The following SERPINB10 variants were observed in gnomAD, a reference collection of about 807,000 sequenced individuals.
SERPINB10 encodes the protein serpin family B member 10, also known as serpin B10.
A neutral mutation model predicts 39.1 loss-of-function variants in SERPINB10; 35 were observed. The observed-to-expected ratio is 0.90, with a 90% CI of 0.68 to 1.19. SERPINB10 has a LOEUF of 1.19. Among genes scored for constraint, SERPINB10 ranks in the 50% most tolerant of loss-of-function variants. SERPINB10 has a pLI of 0.00. For missense variants in SERPINB10, 546 were observed against 460.5 expected (o/e 1.19, Z -1.70); for synonymous variants, 190 against 158.1 (o/e 1.20, Z -1.52).
chr18:63,926,942 G>C (rs1323566389), intron 5 of SERPINB10, among the ~76,000 whole-genome samples: 1 of 151,962 alleles, frequency 6.6e-6, no homozygotes, highest in African/African-American at 2.4e-5. Context: ...ATTGTTTATT[G>C]TTAGAAGATA....
intron 1 of SERPINB10, among the ~76,000 whole-genome samples, chr18:63,909,731 G>T (rs1021966740): frequency 6.6e-6 from 1 of 151,926 alleles, no homozygotes; most frequent in Non-Finnish European, 1.5e-5. Flanking sequence ...AACATTTTCC[G>T]TGTAAATTTA....
intron 5 of SERPINB10, among the ~76,000 whole-genome samples, chr18:63,921,091 T>G (rs2050143563): frequency 6.6e-6 from 1 of 151,924 alleles, no homozygotes; most frequent in Admixed American, 6.6e-5. Flanking sequence ...AATCAACATT[T>G]CAATTGATAT....
intron 4 of SERPINB10, among the ~76,000 whole-genome samples, 198 bp from the exon 5 acceptor site, chr18:63,919,590 T>C (rs2050131257): frequency 6.6e-6 from 1 of 151,992 alleles, no homozygotes; most frequent in South Asian, 2.1e-4. Flanking sequence ...TCTGCATAGC[T>C]AGCCAGTGCC....
chr18:63,915,794 T>A, intron 2 of SERPINB10, 116 bp downstream of exon 2: 1 of 914,876 alleles, frequency 1.1e-6, no homozygotes, highest in Non-Finnish European at 1.6e-6. Flanking sequence ...TAACATTCTC[T>A]AAAACAAGAC....
At chr18:63,933,271 C>T (rs1599095217) in intron 7 of SERPINB10, 68 bp downstream of exon 7, 2 of 1,534,356 alleles carry the variant, frequency 1.3e-6, no homozygotes, top group South Asian at 1.1e-5. Flanking sequence ...ACTGCTTGGC[C>T]AAGGTTTCTC....
At chr18:63,921,984 C>T (rs1215237063) in intron 5 of SERPINB10, among the ~76,000 whole-genome samples, 1 of 151,814 alleles carries the variant, frequency 6.6e-6, no homozygotes, top group Non-Finnish European at 1.5e-5. Context: ...GGCTAAACAT[C>T]CTCCTCTTTG....
intron 1 of SERPINB10, among the ~76,000 whole-genome samples, chr18:63,909,928 C>G (rs2050051751): frequency 6.6e-6 from 1 of 152,000 alleles, no homozygotes; most frequent in Admixed American, 6.6e-5. Flanking sequence ...TACAGATCTA[C>G]AGTCTTTTTT....
intron 5 of SERPINB10, among the ~76,000 whole-genome samples, chr18:63,920,431 T>G (rs1484909150): frequency 6.6e-6 from 1 of 152,020 alleles, no homozygotes; most frequent in African/African-American, 2.4e-5. Flanking sequence ...TTAGGCATCC[T>G]GGCTTAGAGA....
chr18:63,916,203 T>C (rs937899680), intron 2 of SERPINB10, among the ~76,000 whole-genome samples: 1 of 151,882 alleles, frequency 6.6e-6, no homozygotes, highest in Non-Finnish European at 1.5e-5. Flanking sequence ...AGAACTATTT[T>C]TGCAATAAGC....
intron 1 of SERPINB10, among the ~76,000 whole-genome samples, chr18:63,909,453 AG>A (rs1761595155): frequency 6.6e-6 from 1 of 152,090 alleles, no homozygotes; most frequent in Non-Finnish European, 1.5e-5. Context: ...CTTTAAAAAA[AG>A]AAAATAAAGA....
intron 2 of SERPINB10, 33 bp downstream of exon 2, chr18:63,915,711 T>C: frequency 6.4e-7 from 1 of 1,558,786 alleles, no homozygotes; most frequent in Non-Finnish European, 8.7e-7. Context: ...CTTCTGTTTC[T>C]TGTAAGCTAA....
intron 2 of SERPINB10, among the ~76,000 whole-genome samples, 160 bp from the exon 3 acceptor site, chr18:63,917,296 T>A (rs2050110506): frequency 6.6e-6 from 1 of 152,072 alleles, no homozygotes; most frequent in Non-Finnish European, 1.5e-5. Flanking sequence ...AGTTCTTGAC[T>A]TATTTTATTA....
chr18:63,930,011 C>T (rs1485898252), intron 5 of SERPINB10, 34 bp from the exon 6 acceptor site: 1 of 1,607,752 alleles, frequency 6.2e-7, no homozygotes, highest in Non-Finnish European at 8.5e-7. Flanking sequence ...CATATTTCTA[C>T]AAGTCATTTG....
chr18:63,930,003 T>C, intron 5 of SERPINB10, 42 bp from the exon 6 acceptor site: 1 of 1,600,274 alleles, frequency 6.2e-7, no homozygotes, highest in South Asian at 1.1e-5. Flanking sequence ...AAAATATACA[T>C]ATTTCTACAA....
At chr18:63,915,363 A>G in intron 1 of SERPINB10, 139 bp from the exon 2 acceptor site, 2 of 492,772 alleles carry the variant, frequency 4.1e-6, no homozygotes, top group Non-Finnish European at 7.1e-6. Context: ...CTATTATTGG[A>G]CTAGAATTTT....
chr18:63,908,803 T>C (rs539528466), intron 1 of SERPINB10, among the ~76,000 whole-genome samples: 37 of 151,836 alleles, frequency 2.4e-4, no homozygotes, highest in Middle Eastern at 3.4e-3. Context: ...CCCTTGGGAG[T>C]GTCTCATGGA....
chr18:63,931,434 A>G (rs1367930047), intron 6 of SERPINB10, among the ~76,000 whole-genome samples: 2 of 152,152 alleles, frequency 1.3e-5, no homozygotes, highest in Non-Finnish European at 2.9e-5. Context: ...ATGCTAGAGT[A>G]CTCGCAGTAA....
Position 63,917,481 on chromosome 18 carries a change from G to T in SERPINB10, c.194G>T (p.Gly65Val). The T allele has an allele frequency of 1.3e-6, 2 of 1,581,604 alleles. No individual in the cohort carries two copies. Among genetic ancestry groups the T allele is most frequent in the Non-Finnish European group, 1.7e-6 (2 of 1,163,230 alleles). ...AQVLQFNRDQ[G>V]VKCDPESEKK... ...GTGCTTCAATTTAACAGAGACCAGG[G>T]AGTCAAATGTGACCCTGAAAGTGAA... Residue 65 changes from glycine (G) to valine (V), a missense_variant, in exon 3 of 8, where the codon GGA becomes GTA. Physicochemically the swap from Gly to Val is moderately radical, Grantham distance 109. Transcript: ENST00000238508.
intron 5 of SERPINB10, among the ~76,000 whole-genome samples, chr18:63,927,723 C>T (rs535940139): frequency 3.4e-4 from 52 of 152,182 alleles, no homozygotes; most frequent in African/African-American, 9.9e-4. Flanking sequence ...ATCAGCAACA[C>T]GCTACATTAA....
Sources: gnomAD v4.1 joint callset for allele counts (sites outside exome capture counted in the v4.1 genomes callset) on GRCh38, gnomAD v4.1.1 for gene constraint, MANE v1.5 for transcripts, NCBI Gene and HGNC (gene_info 2026-07-23, HGNC 2026-07-21) for gene names.